LYPLAL1: variants seen among roughly 807,000 people sequenced by gnomAD.
LYPLAL1 encodes lysophospholipase-like protein 1.
A neutral mutation model predicts 19.7 loss-of-function variants in LYPLAL1; 23 were observed. That is an observed-to-expected ratio of 1.17 (90% CI 0.84 to 1.65). LYPLAL1 has a LOEUF of 1.65. Ranked by LOEUF, LYPLAL1 falls within the 40% of genes most tolerant of loss-of-function variation. LYPLAL1 has a pLI of 0.00. For missense variants in LYPLAL1, 355 were observed against 279.4 expected, an observed-to-expected ratio of 1.27 and a Z score of -1.93; for synonymous variants, 119 against 96.3, an observed-to-expected ratio of 1.24 and a Z score of -1.38.
chr1:219,360,757 C>A, the LYPLAL1 span, among the ~76,000 whole-genome samples: 2 of 152,052 alleles, frequency 1.3e-5, no homozygotes, highest in Non-Finnish European at 2.9e-5. Flanking sequence ...GACCTCTTCC[C>A]ATGAAGGCAT....
the LYPLAL1 span, among the ~76,000 whole-genome samples, chr1:219,273,791 C>T: frequency 5.9e-5 from 9 of 152,060 alleles, no homozygotes; most frequent in Non-Finnish European, 1.3e-4. Flanking sequence ...GATGGAGTTT[C>T]GCTCTTGTTG....
the LYPLAL1 span, among the ~76,000 whole-genome samples, chr1:219,328,065 G>T: frequency 6.6e-6 from 1 of 152,136 alleles, no homozygotes; most frequent in African/African-American, 2.4e-5. Context: ...CTAAAGGTTT[G>T]CTTACACATG....
At chr1:219,227,811 C>T in the LYPLAL1 span, among the ~76,000 whole-genome samples, 1 of 152,178 alleles carries the variant, frequency 6.6e-6, no homozygotes, top group Non-Finnish European at 1.5e-5. Context: ...TCCGTATTGT[C>T]TATTTTAAAA....
At chr1:219,362,624 C>T in the LYPLAL1 span, among the ~76,000 whole-genome samples, 18 of 152,210 alleles carry the variant, frequency 1.2e-4, no homozygotes, top group African/African-American at 4.1e-4. Context: ...CAAATCTCAA[C>T]GTACCTGCAG....
the LYPLAL1 span, among the ~76,000 whole-genome samples, chr1:219,306,849 T>TAGAC: frequency 0.014 from 1,938 of 135,342 alleles, 28 homozygotes; most frequent in African/African-American, 0.024. Flanking sequence ...GATAGATAGA[T>TAGAC]AGACAGACAG....
At chr1:219,188,456 A>T (rs1230669594) in intron 2 of LYPLAL1, among the ~76,000 whole-genome samples, 1 of 151,752 alleles carries the variant, frequency 6.6e-6, no homozygotes, top group Non-Finnish European at 1.5e-5. Flanking sequence ...GGGATATCAG[A>T]TGCAAAGCCA....
At chr1:219,417,266 A>G in the LYPLAL1 span, among the ~76,000 whole-genome samples, 1 of 152,208 alleles carries the variant, frequency 6.6e-6, no homozygotes, top group East Asian at 1.9e-4. Flanking sequence ...AGCCAGCCTT[A>G]TTAGTATAAC....
At chr1:219,325,445 C>A in the LYPLAL1 span, among the ~76,000 whole-genome samples, 7 of 152,184 alleles carry the variant, frequency 4.6e-5, no homozygotes, top group African/African-American at 1.4e-4. Context: ...AAAATGGCAC[C>A]GTCCCTTTCT....
chr1:219,336,614 A>T, the LYPLAL1 span, among the ~76,000 whole-genome samples: 1 of 152,080 alleles, frequency 6.6e-6, no homozygotes, highest in Non-Finnish European at 1.5e-5. Context: ...AGTCCTTTAC[A>T]TGCCTTAGCC....
chr1:219,268,562 T>C, the LYPLAL1 span, among the ~76,000 whole-genome samples: 7 of 152,362 alleles, frequency 4.6e-5, no homozygotes, highest in African/African-American at 1.7e-4. Context: ...GTAAGTACTT[T>C]TACTTTTTCT....
intron 3 of LYPLAL1, among the ~76,000 whole-genome samples, chr1:219,195,054 TC>T (rs140391003): frequency 0.016 from 2,454 of 152,156 alleles, 19 homozygotes; most frequent in Non-Finnish European, 0.023. Context: ...GTCCACCACT[TC>T]CTAGTTGGCT....
chr1:219,241,038 C>T, the LYPLAL1 span, among the ~76,000 whole-genome samples: 2 of 148,478 alleles, frequency 1.3e-5, no homozygotes, highest in African/African-American at 4.9e-5. Context: ...TCCAGCCTAT[C>T]TCAAAATATC....
the LYPLAL1 span, among the ~76,000 whole-genome samples, chr1:219,361,879 A>G: frequency 1.3e-5 from 2 of 152,050 alleles, no homozygotes; most frequent in Admixed American, 6.6e-5. Context: ...TTCTGTGTCA[A>G]TTTTTATATT....
chr1:219,216,185 A>T (rs1659283737), downstream of LYPLAL1, among the ~76,000 whole-genome samples: 3 of 152,050 alleles, frequency 2.0e-5, 1 homozygote, highest in South Asian at 6.2e-4. Context: ...AATATATGGA[A>T]TATAATTATA....
intron 1 of LYPLAL1, chr1:219,175,074 G>C (rs943581410): frequency 1.0e-6 from 1 of 985,486 alleles, no homozygotes; most frequent in Non-Finnish European, 1.2e-6. Flanking sequence ...ACTGGGCAGA[G>C]ACCTGGAAAA....
At chr1:219,382,520 C>T in the LYPLAL1 span, among the ~76,000 whole-genome samples, 5 of 152,116 alleles carry the variant, frequency 3.3e-5, no homozygotes, top group South Asian at 6.2e-4. Flanking sequence ...CCACTGCGCC[C>T]GGCTAACCTT....
the LYPLAL1 span, among the ~76,000 whole-genome samples, chr1:219,339,074 C>G: frequency 2.0e-4 from 30 of 151,900 alleles, no homozygotes; most frequent in Non-Finnish European, 2.9e-5. Context: ...CATACCACGT[C>G]TGGCCCTGGC....
chr1:219,253,467 T>A, the LYPLAL1 span, among the ~76,000 whole-genome samples: 11 of 152,200 alleles, frequency 7.2e-5, no homozygotes, highest in African/African-American at 2.4e-4. Flanking sequence ...GAGATTCTGG[T>A]ATGTTGTATC....
chr1:219,188,918 A>G (rs1473105689), intron 2 of LYPLAL1, among the ~76,000 whole-genome samples: 2 of 151,720 alleles, frequency 1.3e-5, no homozygotes, highest in East Asian at 1.9e-4. Context: ...ACAAACTTTT[A>G]TATTTTATTT....
Sources: gnomAD v4.1 joint callset for allele counts (sites outside exome capture counted in the v4.1 genomes callset) on GRCh38, gnomAD v4.1.1 for gene constraint, MANE v1.5 for transcripts, NCBI Gene and HGNC (gene_info 2026-07-23, HGNC 2026-07-21) for gene names.